The following RAB3IP variants were observed in gnomAD, a reference collection of about 807,000 sequenced individuals.
RAB3IP encodes the protein RAB3A interacting protein.
RAB3IP carries 36 observed loss-of-function variants against 59.1 expected under a neutral mutation model. That is an observed-to-expected ratio of 0.61 (90% confidence interval 0.47 to 0.80). The LOEUF (loss-of-function observed/expected upper bound fraction) is 0.80. Ranked by LOEUF, RAB3IP falls within the 30% of genes least tolerant of loss-of-function variation. The probability of loss-of-function intolerance (pLI) is 0.00; values close to 1 mark genes in which losing one functional copy is unlikely to be tolerated. For missense variants in RAB3IP, 511 were observed against 536.0 expected (o/e 0.95, Z 0.46); for synonymous variants, 207 against 191.2 (o/e 1.08, Z -0.68).
At position 69,758,743 on chromosome 12, in the gene RAB3IP, T is replaced by A. The variant is rs574058525; in HGVS notation, c.510+2080T>A. ...CAGAAATGTTAGCTACATGGGCATC[T>A]GTGTGTTCATTCCTTTTTTTTTTTT... On this transcript the variant is annotated intron_variant, in intron 3 of 10. Coordinates refer to ENST00000247833, the MANE Select transcript of RAB3IP (RefSeq NM_022456.5). Among the ~76,000 whole-genome samples, 9 of 148,438 alleles carry A rather than the reference T, an allele frequency of 6.1e-5. No individual in the cohort carries two copies. In the East Asian group the frequency reaches 1.6e-3, roughly 26 times the overall value.
intron 3 of RAB3IP, among the ~76,000 whole-genome samples, chr12:69,771,859 CATG>C (rs1873176179): frequency 6.6e-6 from 1 of 152,154 alleles, no homozygotes; most frequent in East Asian, 1.9e-4. Context: ...GATGATACCT[CATG>C]GTGGTTTTGA....
At chr12:69,775,319 C>G (rs983348664) in intron 3 of RAB3IP, among the ~76,000 whole-genome samples, 59 of 139,300 alleles carry the variant, frequency 4.2e-4, no homozygotes, top group African/African-American at 1.6e-3. Flanking sequence ...TGGGCTGAGA[C>G]GATGGTGTTT....
At chr12:69,740,345 T>G (rs563653860) in intron 1 of RAB3IP, among the ~76,000 whole-genome samples, 70 of 152,358 alleles carry the variant, frequency 4.6e-4, no homozygotes, top group South Asian at 1.0e-3. Flanking sequence ...CTTTTCATGT[T>G]TGGACAGACA....
At chr12:69,748,581 G>T (rs935605898) in intron 1 of RAB3IP, among the ~76,000 whole-genome samples, 1 of 152,170 alleles carries the variant, frequency 6.6e-6, no homozygotes, top group African/African-American at 2.4e-5. Flanking sequence ...GTGGTCTGCA[G>T]TCTGCTTTAT....
chr12:69,814,653 G>A (rs1432569244), intron 10 of RAB3IP, among the ~76,000 whole-genome samples: 1 of 151,842 alleles, frequency 6.6e-6, no homozygotes, highest in Non-Finnish European at 1.5e-5. Flanking sequence ...CCCTGGAGTG[G>A]CCAGGGAATG....
chr12:69,789,454 G>C (rs76662867), intron 4 of RAB3IP, among the ~76,000 whole-genome samples: 5,092 of 152,104 alleles, frequency 0.033, 109 homozygotes, highest in Non-Finnish European at 0.048. Flanking sequence ...ATGGAATCAA[G>C]AAGTAGAAAC....
Position 69,795,199 on chromosome 12 carries a change from C to T in RAB3IP, c.743C>T (p.Pro248Leu), listed in dbSNP as rs1565913543. Reference sequence around the variant, plus strand: ...AAGACACTTGTATTGTCCAGTTCTCCAACATCACCTACGCAGGAGCCTTTG... The same window carrying T: ...AAGACACTTGTATTGTCCAGTTCTCTAACATCACCTACGCAGGAGCCTTTG... ...ALKTLVLSSS[P>L]TSPTQEPLPG... Residue 248 changes from proline (P) to leucine (L), a missense_variant, in exon 6 of 11, where the codon CCA becomes CTA. Physicochemically the swap from Pro to Leu is moderately conservative, Grantham distance 98 (BLOSUM62 -3). Transcript: ENST00000247833. 1 of 1,614,028 alleles carries T rather than the reference C, an allele frequency of 6.2e-7. No individual in the cohort carries two copies. Among genetic ancestry groups the T allele is most frequent in the Non-Finnish European group, 8.5e-7 (1 of 1,179,950 alleles).
intron 3 of RAB3IP, among the ~76,000 whole-genome samples, chr12:69,782,354 G>A (rs563235559): frequency 1.1e-3 from 167 of 152,208 alleles, no homozygotes; most frequent in African/African-American, 3.8e-3. Context: ...TAGTAGAGAC[G>A]GGGTTTCACC....
At chr12:69,792,540 A>G (rs754841504) in intron 4 of RAB3IP, among the ~76,000 whole-genome samples, 3 of 152,336 alleles carry the variant, frequency 2.0e-5, no homozygotes, top group South Asian at 2.1e-4. Flanking sequence ...TGATACTTAC[A>G]TCATTTTCAG....
chr12:69,738,658 G>C (rs1187578054), upstream of RAB3IP: 1 of 152,074 alleles, frequency 6.6e-6, no homozygotes, highest in Non-Finnish European at 1.5e-5. Flanking sequence ...GGTTCCCAGG[G>C]AAACCGCCCG....
At chr12:69,796,041 C>G (rs1174361541) in intron 6 of RAB3IP, 1 of 152,372 alleles carries the variant, frequency 6.6e-6, no homozygotes, top group East Asian at 1.9e-4. Flanking sequence ...TGGCTCATGC[C>G]TGTAATCTCA....
intron 3 of RAB3IP, among the ~76,000 whole-genome samples, chr12:69,780,557 AC>A (rs1874521527): frequency 6.6e-6 from 1 of 152,170 alleles, no homozygotes; most frequent in Non-Finnish European, 1.5e-5. Context: ...ATCCTTTAGG[AC>A]CTGCTTTGGG....
chr12:69,784,734 A>G lies in RAB3IP; in HGVS notation c.525A>G (p.Lys175=). 1.2e-6 allele frequency: 2 copies of G among 1,602,090 alleles called. No individual in the cohort carries two copies. Among genetic ancestry groups the G allele is most frequent in the Non-Finnish European group, 1.7e-6 (2 of 1,172,766 alleles). Residue 175 remains lysine, a synonymous_variant, in exon 4 of 11, where the codon AAA becomes AAG. Transcript: ENST00000247833. ...ATTTCTCTTAGGAACTGAAGTTAAAAGATGAAGAATGTGAGAGGCTTTCAA... is the reference window on the plus strand; with the variant it reads ...ATTTCTCTTAGGAACTGAAGTTAAAGGATGAAGAATGTGAGAGGCTTTCAA... The part of the protein sequence containing the change: ...LAKAQRELKL[K]DEECERLSKV...
chr12:69,738,709 C>G (rs950711997), upstream of RAB3IP: 1 of 152,182 alleles, frequency 6.6e-6, no homozygotes, highest in African/African-American at 2.4e-5. Flanking sequence ...CTGCGACGAG[C>G]CCCGCCTGGC....
Position 69,819,355 on chromosome 12 carries a change from A to C in RAB3IP, c.*3909A>C, listed in dbSNP as rs946161643. 18 of 143,174 alleles carry C rather than the reference A, an allele frequency of 1.3e-4. No individual in the cohort carries two copies. Among genetic ancestry groups the C allele is most frequent in the Admixed American group, 1.2e-3 (17 of 13,946 alleles). The allele number at this position is 143,174 out of a possible 1,614,324, so 8.9% of individuals were successfully genotyped here. On this transcript the variant is annotated 3_prime_UTR_variant, in exon 11 of 11. Transcript: ENST00000247833. ...TGGTGGGGAAAGTTTGGGTATGTGC[A>C]TAACAGAGACAGAAATTCAGTGTTT...
chr12:69,757,378 T>TA (rs1357323330), intron 3 of RAB3IP, among the ~76,000 whole-genome samples: 4 of 151,520 alleles, frequency 2.6e-5, no homozygotes, highest in Admixed American at 1.3e-4. Flanking sequence ...ACAGAAAAAA[T>TA]AGAGAAAATG....
chr12:69,761,446 C>T (rs538546945), intron 3 of RAB3IP, among the ~76,000 whole-genome samples: 1 of 152,208 alleles, frequency 6.6e-6, no homozygotes, highest in South Asian at 2.1e-4. Context: ...TATATTTTTT[C>T]AGAGTTTTAG....
chr12:69,809,710 C>T (rs1880093259), intron 8 of RAB3IP, among the ~76,000 whole-genome samples: 3 of 152,206 alleles, frequency 2.0e-5, no homozygotes, highest in African/African-American at 7.2e-5. Flanking sequence ...GAGGCTTGTG[C>T]ATTCGTCACG....
intron 4 of RAB3IP, among the ~76,000 whole-genome samples, chr12:69,789,913 G>C (rs1876334036): frequency 6.6e-6 from 1 of 152,020 alleles, no homozygotes; most frequent in South Asian, 2.1e-4. Context: ...CAACAAAATA[G>C]ATATAGGAAC....
Sources: gnomAD v4.1 joint callset for allele counts (sites outside exome capture counted in the v4.1 genomes callset) on GRCh38, gnomAD v4.1.1 for gene constraint, MANE v1.5 for transcripts, NCBI Gene and HGNC (gene_info 2026-07-23, HGNC 2026-07-21) for gene names.